Variants in COL4A3 observed in about 807,000 individuals in gnomAD.
COL4A3 encodes the protein collagen type IV alpha 3 chain.
Under a neutral mutation model 217.4 loss-of-function variants are expected in COL4A3, and 135 were observed. That is an observed-to-expected ratio of 0.62 (90% confidence interval 0.54 to 0.72). COL4A3 has a LOEUF of 0.72. Among genes scored for constraint, COL4A3 ranks in the 30% least tolerant of loss-of-function variants. The pLI, the probability that COL4A3 is intolerant of heterozygous loss-of-function variation, is 0.00. For synonymous variants in COL4A3, 690 were observed against 736.3 expected, an observed-to-expected ratio of 0.94 and a Z score of 1.02; for missense variants, 1,868 against 2,119.9, an observed-to-expected ratio of 0.88 and a Z score of 2.33.
Position 227,303,116 on chromosome 2 carries a change from G to GTGCA in COL4A3, c.3955+7_3955+8insGCAT. The GTGCA allele has an allele frequency of 6.2e-7, 1 of 1,612,662 alleles. No homozygotes were observed. The highest frequency in any genetic ancestry group is 8.5e-7 in the Non-Finnish European group (1 of 1,178,714). ...GGGGTTTCCAGGCGTGAAAGGTACT[G>GTGCA]TTTTTGTGCATTGCTCTTTATATGC... On this transcript the variant is annotated splice_region_variant and intron_variant, in intron 44 of 51. Transcript: ENST00000396578.
rs931443756 is a variant in COL4A3 at position 227,191,955 on chromosome 2, G to A, written c.87+27142G>A. On this transcript the variant is annotated intron_variant, in intron 1 of 51. Transcript: ENST00000396578. This position sits in a 1 kb window ranked among gnomAD's most constrained non-coding sequence, Gnocchi z 6.8. ...ATTGTGGAAAGGGAAAAAAATTATC[G>A]AAGGAAAGTCATATTTCCTTAAATT... is the stretch of plus-strand genomic sequence containing the variant. 4.6e-5 allele frequency among the ~76,000 whole-genome samples: 7 copies of A among 152,216 alleles called. No individual in the cohort carries two copies. The highest frequency in any genetic ancestry group is 2.0e-4 in the Admixed American group (3 of 15,294).
intron 1 of COL4A3, among the ~76,000 whole-genome samples, chr2:227,223,508 C>G (rs11902048): frequency 1.3e-5 from 2 of 151,560 alleles, no homozygotes; most frequent in African/African-American, 4.9e-5. Flanking sequence ...CTGAGGTGGG[C>G]GGATCACCTG....
intron 46 of COL4A3, chr2:227,304,391 T>A (rs960309299): frequency 1.0e-5 from 5 of 483,618 alleles, no homozygotes; most frequent in Non-Finnish European, 1.9e-5. Flanking sequence ...ATGTTTTTTT[T>A]ATTATTTTTT....
At chr2:227,185,847 T>C (rs1162610651) in intron 1 of COL4A3, among the ~76,000 whole-genome samples, 1 of 152,200 alleles carries the variant, frequency 6.6e-6, no homozygotes, top group Non-Finnish European at 1.5e-5. Flanking sequence ...AACCTGCAGT[T>C]GTAGCATCTC....
At chr2:227,271,216 T>C (rs1218550742) in intron 25 of COL4A3, among the ~76,000 whole-genome samples, 1 of 152,138 alleles carries the variant, frequency 6.6e-6, no homozygotes, top group Non-Finnish European at 1.5e-5. Context: ...TACAGTTCCA[T>C]ATTTGTATCA....
chr2:227,259,545 C>G (rs1327341933), intron 18 of COL4A3, among the ~76,000 whole-genome samples: 1 of 152,174 alleles, frequency 6.6e-6, no homozygotes, highest in African/African-American at 2.4e-5. Flanking sequence ...TGAGTCACAT[C>G]ATAAAATGTA....
At chr2:227,192,255 G>T (rs911582014) in intron 1 of COL4A3, among the ~76,000 whole-genome samples, 1 of 152,198 alleles carries the variant, frequency 6.6e-6, no homozygotes, top group East Asian at 1.9e-4. Flanking sequence ...CCTAGTTATA[G>T]AATTGTGAAG....
intron 5 of COL4A3, chr2:227,245,623 A>C (rs2069289412): frequency 2.5e-6 from 1 of 396,068 alleles, no homozygotes; most frequent in African/African-American, 2.1e-5. Context: ...GAATAATAAA[A>C]TAGTTTCATC....
In COL4A3 at chr2:227,290,770, T is replaced by C. The variant is rs372423505; in HGVS notation, c.3094T>C (p.Leu1032=). 36 of 1,613,368 alleles carry C rather than the reference T, an allele frequency of 2.2e-5. No individual in the cohort carries two copies. In the African/African-American group the frequency reaches 4.7e-4, roughly 21 times the overall value. Residue 1032 remains leucine, a synonymous_variant, in exon 37 of 52, where the codon TTG becomes CTG. Coordinates refer to ENST00000396578, the MANE Select transcript of COL4A3 (RefSeq NM_000091.5). ...MPGSKGKRGT[L]GFPGRAGRPG... is the part of the protein sequence containing the mutation. The stretch of plus-strand genomic sequence containing the variant: ...AGGTTCTAAAGGAAAAAGGGGAACT[T>C]TGGGATTCCCAGGTCGAGCAGGAAG...
intron 1 of COL4A3, among the ~76,000 whole-genome samples, chr2:227,215,253 A>G (rs1191624685): frequency 1.3e-5 from 2 of 152,168 alleles, no homozygotes; most frequent in African/African-American, 4.8e-5. Context: ...TATAAAGTCA[A>G]ATAGGAAAAT....
Position 227,284,216 on chromosome 2 carries a change from C to T in COL4A3, c.2752C>T (p.Pro918Ser), listed in dbSNP as rs760736325. The T allele has an allele frequency of 6.2e-7, 1 of 1,613,990 alleles. No individual in the cohort carries two copies. The highest frequency in any genetic ancestry group is 8.5e-7 in the Non-Finnish European group (1 of 1,179,972). ...NPGTPGQRGS[P>S]GIPGVKGQRG... is the part of the protein sequence containing the mutation. ...TTGTTACTCCTGTCTGTTAGGGAGC[C>T]CTGGAATTCCAGGAGTAAAGGGCCA... is the stretch of plus-strand genomic sequence containing the variant. The change falls in exon 34 of 52, where the codon CCT (proline) becomes TCT (serine). Residue 918 changes from proline to serine, a missense_variant. Coordinates refer to ENST00000396578, the MANE Select transcript of COL4A3 (RefSeq NM_000091.5).
chr2:227,206,808 T>C (rs1330172816), intron 1 of COL4A3, among the ~76,000 whole-genome samples: 1 of 152,190 alleles, frequency 6.6e-6, no homozygotes, highest in Non-Finnish European at 1.5e-5. Context: ...GGTTTACATG[T>C]CTTAGCTAAG....
Position 227,248,171 on chromosome 2 carries a change from C to T in COL4A3, c.469-272C>T, listed in dbSNP as rs139184640. Among the ~76,000 whole-genome samples the T allele has an allele frequency of 5.2e-3, 798 of 152,256 alleles. 3 individuals are homozygous for T. The highest frequency in any genetic ancestry group is 0.018 in the African/African-American group (767 of 41,544). On this transcript the variant is annotated intron_variant, in intron 8 of 51. Transcript: ENST00000396578. ...GCCAGGCTGGTCTTGAACTCCTGAC[C>T]TCGGGTGATCTGCCCGTTTTGATCT... is the stretch of plus-strand genomic sequence containing the variant.
intron 43 of COL4A3, among the ~76,000 whole-genome samples, chr2:227,300,474 A>G (rs187907911): frequency 1.3e-5 from 2 of 152,190 alleles, no homozygotes; most frequent in Non-Finnish European, 2.9e-5. Context: ...CAATCTCTCA[A>G]TTCATATTCT....
At chr2:227,238,833 T>C (rs2068850336) in intron 2 of COL4A3, among the ~76,000 whole-genome samples, 1 of 152,228 alleles carries the variant, frequency 6.6e-6, no homozygotes, top group Non-Finnish European at 1.5e-5. Context: ...AATCTGTGAA[T>C]GTATTCTAAT....
rs2125933829 is a variant in COL4A3 at position 227,253,972 on chromosome 2, G to A, written c.766-140G>A. On this transcript the variant is annotated intron_variant, in intron 13 of 51. Coordinates refer to ENST00000396578, the MANE Select transcript of COL4A3 (RefSeq NM_000091.5). The surrounding 1 kb of genome is among the most constrained non-coding windows in gnomAD (Gnocchi z 4.4). ...ATTTGAAATGTGAGAAATGGAAGGT[G>A]TATTGGGTTGTGTTAACACGAGGCA... 1.2e-6 allele frequency: 1 copy of A among 802,304 alleles called. No homozygotes were observed. Among genetic ancestry groups the A allele is most frequent in the African/African-American group, 1.7e-5 (1 of 59,182 alleles). The allele number at this position is 802,304 out of a possible 1,614,324, so 49.7% of individuals were successfully genotyped here. A position where few individuals can be genotyped will look rare whatever the true frequency, so the allele number is the denominator to read the frequency against.
At chr2:227,231,613 T>C (rs921606467) in intron 1 of COL4A3, among the ~76,000 whole-genome samples, 2 of 152,158 alleles carry the variant, frequency 1.3e-5, no homozygotes, top group African/African-American at 4.8e-5. Flanking sequence ...CTCTGCCTCC[T>C]GGGTTCAAGC....
Position 227,247,495 on chromosome 2 carries a change from G to C in COL4A3, c.442-63G>C, listed in dbSNP as rs111234988. 2.4e-3 allele frequency: 3,623 copies of C among 1,507,130 alleles called. 73 individuals carry two copies. In the African/African-American group the frequency reaches 0.044, roughly 18 times the overall value. 93.4% of individuals were successfully genotyped at this position (1,507,130 alleles called of 1,614,324 possible). A position where few individuals can be genotyped will look rare whatever the true frequency, so the allele number is the denominator to read the frequency against. The stretch of plus-strand genomic sequence containing the variant: ...ACACAATAGCAGAGAGGGCAGAGCA[G>C]ACCGAGTAGGAGTGTGTGCGTTTGA... On this transcript the variant is annotated intron_variant, in intron 7 of 51. Transcript: ENST00000396578.
chr2:227,217,737 C>T (rs1358030344), intron 1 of COL4A3, among the ~76,000 whole-genome samples: 1 of 152,130 alleles, frequency 6.6e-6, no homozygotes, highest in Non-Finnish European at 1.5e-5. Flanking sequence ...CAACTGAATT[C>T]AGTAGTAATG....
Sources: gnomAD v4.1 joint callset for allele counts (sites outside exome capture counted in the v4.1 genomes callset) on GRCh38, gnomAD v4.1.1 for gene constraint, Gnocchi (gnomAD v3.1) non-coding constraint, MANE v1.5 for transcripts, NCBI Gene and HGNC (gene_info 2026-07-23, HGNC 2026-07-21) for gene names.